RNF150: variants seen among roughly 807,000 people sequenced by gnomAD.
RNF150 encodes ring finger protein 150.
In RNF150, 24 loss-of-function variants were observed where a neutral mutation model predicts 39.3. That is an observed-to-expected ratio of 0.61 (90% confidence interval 0.44 to 0.86). The LOEUF (loss-of-function observed/expected upper bound fraction) is 0.86. Among genes scored for constraint, RNF150 ranks in the 40% least tolerant of loss-of-function variants. The probability of loss-of-function intolerance (pLI) is 0.00; values close to 1 mark genes in which losing one functional copy is unlikely to be tolerated. For missense variants in RNF150, 502 were observed against 587.8 expected, an observed-to-expected ratio of 0.85 and a Z score of 1.51; for synonymous variants, 255 against 227.3, an observed-to-expected ratio of 1.12 and a Z score of -1.10.
At chr4:141,016,633 T>C (rs1003772820) in intron 1 of RNF150, among the ~76,000 whole-genome samples, 3 of 152,224 alleles carry the variant, frequency 2.0e-5, no homozygotes, top group Admixed American at 1.3e-4. Flanking sequence ...ACCTGCCCTG[T>C]ATCAAAAACA....
At chr4:141,184,718 A>G (rs1727970452) in intron 1 of RNF150, among the ~76,000 whole-genome samples, 1 of 152,160 alleles carries the variant, frequency 6.6e-6, no homozygotes, top group African/African-American at 2.4e-5. Flanking sequence ...AATTGTCTGC[A>G]TATAGCTAGT....
rs1269864731 is a variant in RNF150 at position 141,132,661 on chromosome 4, C to T, written c.148G>A (p.Glu50Lys). The T allele has an allele frequency of 3.1e-6, 5 of 1,604,134 alleles. No individual in the cohort carries two copies. The highest frequency in any genetic ancestry group is 4.2e-6 in the Non-Finnish European group (5 of 1,176,496). The change falls in exon 1 of 7, where the codon GAG becomes AAG. Residue 50 changes from glutamate (E) to lysine (K), a missense_variant. By Grantham distance (56) the Glu-to-Lys change is moderately conservative (BLOSUM62 1). Coordinates refer to ENST00000515673, the MANE Select transcript of RNF150 (RefSeq NM_020724.2). This position sits in a 1 kb window ranked among gnomAD's most constrained non-coding sequence, Gnocchi z 4.9. ...YTAFVNITYAEPAPDPGAGAA... is the reference protein window; with the variant it reads ...YTAFVNITYAKPAPDPGAGAA... ...CCGGCCCCGGGGTCCGGCGCGGGCTCGGCGTAGGTGATGTTCACGAAGGCG... is the reference window on the plus strand; with the variant it reads ...CCGGCCCCGGGGTCCGGCGCGGGCTTGGCGTAGGTGATGTTCACGAAGGCG...
chr4:140,885,971 A>T (rs1729557994), intron 6 of RNF150, among the ~76,000 whole-genome samples: 1 of 152,066 alleles, frequency 6.6e-6, no homozygotes, highest in Non-Finnish European at 1.5e-5. Flanking sequence ...TGGGTGGATC[A>T]CGAGGTCAGG....
chr4:141,072,048 G>A (rs1737726463), intron 1 of RNF150, among the ~76,000 whole-genome samples: 1 of 152,096 alleles, frequency 6.6e-6, no homozygotes, highest in Non-Finnish European at 1.5e-5. Context: ...ACTAGGTCTG[G>A]GGCCTCAGAT....
intron 1 of RNF150, among the ~76,000 whole-genome samples, chr4:140,977,751 C>T (rs149259401): frequency 0.011 from 1,664 of 152,204 alleles, 11 homozygotes; most frequent in Non-Finnish European, 0.016. Flanking sequence ...AATTCACATT[C>T]GAATTCGCCA....
chr4:141,016,486 C>G (rs1279228956), intron 1 of RNF150, among the ~76,000 whole-genome samples: 2 of 152,224 alleles, frequency 1.3e-5, no homozygotes, highest in Non-Finnish European at 2.9e-5. Flanking sequence ...AGCTGCTGCT[C>G]TCAGCACACT....
At chr4:140,907,996 A>G (rs918295075) in intron 6 of RNF150, among the ~76,000 whole-genome samples, 4 of 152,118 alleles carry the variant, frequency 2.6e-5, no homozygotes, top group African/African-American at 9.7e-5. Flanking sequence ...GTCTGTGGAG[A>G]TGTGAGGAGG....
At chr4:141,032,022 A>C (rs1279416214) in intron 1 of RNF150, among the ~76,000 whole-genome samples, 1 of 151,968 alleles carries the variant, frequency 6.6e-6, no homozygotes, top group Non-Finnish European at 1.5e-5. Flanking sequence ...ATATATGTAT[A>C]TATATACACA....
At chr4:141,035,088 C>T (rs1736091204) in intron 1 of RNF150, among the ~76,000 whole-genome samples, 1 of 152,116 alleles carries the variant, frequency 6.6e-6, no homozygotes, top group African/African-American at 2.4e-5. Flanking sequence ...AGTATCTTTC[C>T]CTTTACAAAC....
rs148725403 is a variant in RNF150, at chr4:141,206,279, C to T, written c.-6+6515G>A. ...ACTAAAAATACAAAAATTAGCCAGG[C>T]ATGGTGGCAGGTGCCTGAAAACTCA... On this transcript the variant is annotated intron_variant, in intron 1 of 7. Transcript: ENST00000420921. 1.7e-3 allele frequency among the ~76,000 whole-genome samples: 261 copies of T among 151,928 alleles called. 3 individuals carry two copies. Among genetic ancestry groups the T allele is most frequent in the African/African-American group, 6.2e-3 (255 of 41,448 alleles).
intron 1 of RNF150, among the ~76,000 whole-genome samples, chr4:141,125,757 T>G (rs1726732514): frequency 6.6e-6 from 1 of 152,174 alleles, no homozygotes; most frequent in African/African-American, 2.4e-5. Flanking sequence ...TTCTGGACCT[T>G]TCCAGATTTC....
intron 6 of RNF150, among the ~76,000 whole-genome samples, chr4:140,900,698 A>G (rs1730157783): frequency 6.6e-6 from 1 of 152,264 alleles, no homozygotes; most frequent in African/African-American, 2.4e-5. Flanking sequence ...AGAAATTTCA[A>G]TTTCATCAAT....
chr4:140,869,526 A>G (rs1728847627), intron 6 of RNF150, among the ~76,000 whole-genome samples: 1 of 152,122 alleles, frequency 6.6e-6, no homozygotes. Context: ...TATAGGGGAG[A>G]TTAAGACAAT....
intron 1 of RNF150, among the ~76,000 whole-genome samples, chr4:141,174,345 G>A (rs1354627119): frequency 6.6e-6 from 1 of 152,110 alleles, no homozygotes; most frequent in African/African-American, 2.4e-5. Flanking sequence ...GCTGGGACCA[G>A]GCACACTGAG....
chr4:141,065,160 T>C (rs1164003354), intron 1 of RNF150, among the ~76,000 whole-genome samples: 1 of 152,208 alleles, frequency 6.6e-6, no homozygotes, highest in Non-Finnish European at 1.5e-5. Context: ...CCACCACACC[T>C]GGCCCTGACA....
intron 1 of RNF150, among the ~76,000 whole-genome samples, chr4:141,081,630 T>C (rs1256166924): frequency 6.6e-6 from 1 of 152,162 alleles, no homozygotes; most frequent in Non-Finnish European, 1.5e-5. Flanking sequence ...AAAGACAAAA[T>C]AGAGGTCTGT....
intron 1 of RNF150, among the ~76,000 whole-genome samples, chr4:141,012,781 C>CAAAAAAAAAAAAAAA (rs397995597): frequency 2.8e-5 from 2 of 71,436 alleles, no homozygotes; most frequent in East Asian, 6.8e-4. Context: ...GACTCTGTCT[C>CAAAAAAAAAAAAAAA]AAAAAAAAAA....
rs1275726764 is a variant in RNF150, at chr4:141,063,494, T to A, written c.484+68831A>T. On this transcript the variant is annotated intron_variant, in intron 1 of 6. Transcript: ENST00000515673. ...GCTACTATTTCCTTATGATACAGTCTCAGAAGTTAAATTAGTAGGACAAAT... is the reference window on the plus strand; with the variant it reads ...GCTACTATTTCCTTATGATACAGTCACAGAAGTTAAATTAGTAGGACAAAT... Among the ~76,000 whole-genome samples, 3 of 152,186 alleles carry A rather than the reference T, an allele frequency of 2.0e-5. No homozygotes were observed. The East Asian group carries it at 5.8e-4, about 29-fold the overall frequency.
rs989951939 is a variant in RNF150, at chr4:141,004,237, A to T, written c.485-36364T>A. Among the ~76,000 whole-genome samples, 70 of 152,116 alleles carry T rather than the reference A, an allele frequency of 4.6e-4. 1 individual carries two copies. Among genetic ancestry groups the T allele is most frequent in the African/African-American group, 1.7e-3 (69 of 41,504 alleles). ...GGAAGAACAGATGTTAGTAAAAAAA[A>T]AAAAAAACTCCACCAATAAATGTAC... On this transcript the variant is annotated intron_variant, in intron 1 of 6. Coordinates refer to ENST00000515673, the MANE Select transcript of RNF150 (RefSeq NM_020724.2).
Sources: gnomAD v4.1 joint callset for allele counts (sites outside exome capture counted in the v4.1 genomes callset) on GRCh38, gnomAD v4.1.1 for gene constraint, Gnocchi (gnomAD v3.1) non-coding constraint, MANE v1.5 for transcripts, NCBI Gene and HGNC (gene_info 2026-07-23, HGNC 2026-07-21) for gene names.